Variants in ABCA5 observed in about 807,000 individuals in gnomAD.
ABCA5 encodes the protein cholesterol transporter ABCA5.
Under a neutral mutation model 206.0 loss-of-function variants are expected in ABCA5, and 163 were observed. The ratio of observed to expected loss-of-function variants is 0.79; its 90% CI spans 0.70 to 0.90. ABCA5 has a LOEUF of 0.90. Among genes scored for constraint, ABCA5 ranks in the 40% least tolerant of loss-of-function variants. The pLI is 0.00. For missense variants in ABCA5, 1,859 were observed against 1,912.9 expected, an observed-to-expected ratio of 0.97 and a Z score of 0.53; for synonymous variants, 609 against 613.8, an observed-to-expected ratio of 0.99 and a Z score of 0.11.
chr17:69,276,373 C>G (rs1202729049), intron 19 of ABCA5, among the ~76,000 whole-genome samples: 2 of 152,190 alleles, frequency 1.3e-5, no homozygotes, highest in Non-Finnish European at 2.9e-5. Flanking sequence ...AAGCTTGAGC[C>G]ACCGAGCCCA....
chr17:69,271,453 T>C (rs949484343), intron 20 of ABCA5, among the ~76,000 whole-genome samples, 164 bp from the exon 21 acceptor site: 1 of 152,186 alleles, frequency 6.6e-6, no homozygotes, highest in Non-Finnish European at 1.5e-5. Context: ...TAAAGTTGAG[T>C]TGTAACATTA....
chr17:69,255,765 G>T lies in ABCA5; in HGVS notation c.3944C>A (p.Ala1315Glu). Residue 1315 changes from alanine (A) to glutamate (E), a missense_variant, in exon 30 of 39, where the codon GCA becomes GAA. Ala to Glu is a moderately radical substitution (Grantham distance 107). Transcript: ENST00000392676. ...CACACAGAAAGAGATGTATTTAGTT[G>T]CCACTTTCTTTACTTTTCTTGAAAG... The part of the protein sequence containing the change: ...FLLSRKVKKV[A>E]TKYISFCVKK... 6.3e-7 allele frequency: 1 copy of T among 1,595,092 alleles called. No individual in the cohort carries two copies. Among genetic ancestry groups the T allele is most frequent in the South Asian group, 1.2e-5 (1 of 86,296 alleles).
At chr17:69,273,878 T>C in intron 20 of ABCA5, 81 bp downstream of exon 20, 2 of 1,351,114 alleles carry the variant, frequency 1.5e-6, no homozygotes, top group Non-Finnish European at 2.0e-6. Context: ...TTAAATATAG[T>C]TTTAAAATCC....
At chr17:69,275,452 A>T (rs1276228094) in intron 19 of ABCA5, among the ~76,000 whole-genome samples, 4 of 152,004 alleles carry the variant, frequency 2.6e-5, no homozygotes, top group East Asian at 1.9e-4. Context: ...AATTTTTTTA[A>T]AAAAATTCTT....
At chr17:69,282,943 C>G (rs1475868548) in intron 18 of ABCA5, among the ~76,000 whole-genome samples, 1 of 150,932 alleles carries the variant, frequency 6.6e-6, no homozygotes, top group Non-Finnish European at 1.5e-5. Flanking sequence ...AACTCATCAC[C>G]ACTACCACCA....
At chr17:69,314,753 C>T (rs1016149758) in intron 1 of ABCA5, 17 of 203,718 alleles carry the variant, frequency 8.3e-5, no homozygotes, top group Non-Finnish European at 1.5e-4. Flanking sequence ...GAGGAATGGG[C>T]AAGGGAAGTC....
rs200200373 is a variant in ABCA5, at chr17:69,298,286, AGGG to A, written c.1268-930_1268-928del. Among the ~76,000 whole-genome samples the A allele has an allele frequency of 1.5e-3, 129 of 85,256 alleles. 2 individuals carry two copies. The East Asian group carries it at 0.026, about 17-fold the overall frequency. 55.9% of individuals were successfully genotyped at this position (85,256 alleles called of 152,430 possible). A position where few individuals can be genotyped will look rare whatever the true frequency, so the allele number is the denominator to read the frequency against. ...AAGGAAGGAAGGAAGGAAGGAAGGG[AGGG>A]AGGGGAAAGAGAAAGAAAGAGAGAG... On this transcript the variant is annotated intron_variant, in intron 9 of 38. Transcript: ENST00000392676.
chr17:69,291,015 C>T (rs573940505), intron 12 of ABCA5, among the ~76,000 whole-genome samples: 1 of 152,030 alleles, frequency 6.6e-6, no homozygotes, highest in East Asian at 1.9e-4. Context: ...GAAATATGTA[C>T]AAAATTAGAT....
At chr17:69,270,420 C>T (rs1182651374) in intron 22 of ABCA5, among the ~76,000 whole-genome samples, 193 bp downstream of exon 22, 1 of 152,016 alleles carries the variant, frequency 6.6e-6, no homozygotes, top group African/African-American at 2.4e-5. Flanking sequence ...AACAGAATCT[C>T]CTTTACCCTG....
At position 69,302,727 on chromosome 17, in the gene ABCA5, A is replaced by G. The variant is rs774644399; in HGVS notation, c.1110T>C (p.Gly370=). 33 of 1,563,388 alleles carry G rather than the reference A, an allele frequency of 2.1e-5. No homozygotes were observed. The East Asian group carries it at 6.8e-4, about 32-fold the overall frequency. The stretch of plus-strand genomic sequence containing the variant: ...TTAATATATTACCTACCTGTGCAAT[A>G]CCAATCACAAAAGTACAGTGACAGA... The part of the protein sequence containing the change: ...SPFCHCTFVI[G]IAQVMHLEDF... The change falls in exon 8 of 39, where the codon GGT becomes GGC. Residue 370 remains glycine, a synonymous_variant. Transcript: ENST00000392676.
At position 69,274,046 on chromosome 17, in the gene ABCA5, T is replaced by A. The variant is rs777840284; in HGVS notation, c.2677A>T (p.Ile893Phe). ...AAATATAAGTCTGGAACAAGTTTGATGGGAACCACAGCATTTTTAAAAGAG... is the reference window on the plus strand; with the variant it reads ...AAATATAAGTCTGGAACAAGTTTGAAGGGAACCACAGCATTTTTAAAAGAG... ...HHSFKNAVVP[I>F]KLVPDLYFLK... is the part of the protein sequence containing the mutation. The change falls in exon 20 of 39, where the codon ATC becomes TTC. Residue 893 changes from isoleucine (I) to phenylalanine (F), a missense_variant. By Grantham distance (21) the Ile-to-Phe change is conservative (BLOSUM62 0). Transcript: ENST00000392676. 2 of 1,611,574 alleles carry A rather than the reference T, an allele frequency of 1.2e-6. No individual in the cohort carries two copies. Among genetic ancestry groups the A allele is most frequent in the East Asian group, 2.2e-5 (1 of 44,828 alleles).
At position 69,285,899 on chromosome 17, in the gene ABCA5, T is replaced by C. The variant is rs1181826297; in HGVS notation, c.2271A>G (p.Ser757=). Residue 757 remains serine, a splice_region_variant and synonymous_variant, in exon 17 of 39, where the codon TCA becomes TCG. Coordinates refer to ENST00000392676, the MANE Select transcript of ABCA5 (RefSeq NM_172232.4). The stretch of plus-strand genomic sequence containing the variant: ...CAAGAGACTTAAAGTAAGTAATACC[T>C]GAAAATTTGTCCATGTCCTTGAAAG... ...SLPFKDMDKF[S]GLFSALDSHS... 2 of 1,610,420 alleles carry C rather than the reference T, an allele frequency of 1.2e-6. No homozygotes were observed. Among genetic ancestry groups the C allele is most frequent in the Non-Finnish European group, 1.7e-6 (2 of 1,178,640 alleles).
At chr17:69,312,360 T>G (rs1598205926) in intron 3 of ABCA5, among the ~76,000 whole-genome samples, 1 of 152,026 alleles carries the variant, frequency 6.6e-6, no homozygotes, top group East Asian at 1.9e-4. Flanking sequence ...TCCCAGGAGT[T>G]TAGACCAACC....
chr17:69,284,094 A>G (rs754834061), intron 17 of ABCA5, 22 bp from the exon 18 acceptor site: 1 of 1,509,030 alleles, frequency 6.6e-7, no homozygotes, highest in Non-Finnish European at 8.9e-7. Flanking sequence ...AAATGAAAGA[A>G]TAGTATATCT....
chr17:69,253,972 G>C, intron 32 of ABCA5, 103 bp from the exon 33 acceptor site: 5 of 932,668 alleles, frequency 5.4e-6, no homozygotes, highest in Non-Finnish European at 8.1e-6. Flanking sequence ...TAGTTACTTA[G>C]TCGAAGCTTA....
chr17:69,268,442 A>C (rs543220246), intron 22 of ABCA5, among the ~76,000 whole-genome samples: 2 of 152,152 alleles, frequency 1.3e-5, no homozygotes, highest in African/African-American at 4.8e-5. Flanking sequence ...TCTAAGAATG[A>C]TATTTGTTGC....
At chr17:69,306,532 C>T (rs144331854) in intron 6 of ABCA5, among the ~76,000 whole-genome samples, 193 bp downstream of exon 6, 152 of 152,108 alleles carry the variant, frequency 1.0e-3, no homozygotes, top group African/African-American at 3.5e-3. Flanking sequence ...TTCTTCATCC[C>T]TTATGTTAAA....
chr17:69,276,277 C>A (rs960439844), intron 19 of ABCA5, among the ~76,000 whole-genome samples: 1 of 152,006 alleles, frequency 6.6e-6, no homozygotes, highest in Admixed American at 6.6e-5. Context: ...TTAGTAGAGA[C>A]GGAGTTTCAC....
intron 18 of ABCA5, among the ~76,000 whole-genome samples, chr17:69,278,437 T>C (rs2075356901): frequency 6.6e-6 from 1 of 152,214 alleles, no homozygotes; most frequent in Non-Finnish European, 1.5e-5. Context: ...TTACATTACT[T>C]CTCAATTAAA....
Sources: gnomAD v4.1 joint callset for allele counts (sites outside exome capture counted in the v4.1 genomes callset) on GRCh38, gnomAD v4.1.1 for gene constraint, MANE v1.5 for transcripts, NCBI Gene and HGNC (gene_info 2026-07-23, HGNC 2026-07-21) for gene names.